CD1A: variants seen among roughly 807,000 people sequenced by gnomAD.
The protein encoded by CD1A is T-cell surface glycoprotein CD1a.
In CD1A, 50 loss-of-function variants were observed where a neutral mutation model predicts 38.3. The observed-to-expected ratio is 1.30, with a 90% CI of 1.04 to 1.65. The LOEUF is 1.65. CD1A is among the 40% of genes most tolerant of loss of function. The pLI is 0.00. For synonymous variants in CD1A, 160 were observed against 150.8 expected (o/e 1.06, Z -0.45); for missense variants, 459 against 406.1 (o/e 1.13, Z -1.12).
chr1:158,255,328 C>T lies in CD1A; in HGVS notation c.303C>T (p.Tyr101=), dbSNP rs147750753. ...TIRSFEGIRR[Y]AHELQFEYPF... is the part of the protein sequence containing the mutation. ...GGTCATTTGAGGGAATTCGTAGATA[C>T]GCCCATGAATTGCAGTTTGAATGTG... The change falls in exon 2 of 6, where the codon TAC becomes TAT. Residue 101 remains tyrosine (Y), a synonymous_variant. Coordinates refer to ENST00000289429, the MANE Select transcript of CD1A (RefSeq NM_001763.3). The T allele has an allele frequency of 1.0e-4, 168 of 1,614,030 alleles. No individual in the cohort carries two copies. In the Admixed American group the frequency reaches 1.2e-3, roughly 11 times the overall value.
chr1:158,251,224 C>T (rs1650078892), upstream of CD1A, among the ~76,000 whole-genome samples: 1 of 152,304 alleles, frequency 6.6e-6, no homozygotes, highest in East Asian at 1.9e-4. Flanking sequence ...TCATTGTCTT[C>T]ATGTACAGTA....
intron 5 of CD1A, 81 bp downstream of exon 5, chr1:158,257,592 G>T: frequency 3.2e-6 from 5 of 1,568,242 alleles, no homozygotes; most frequent in Non-Finnish European, 3.5e-6. Context: ...TCTCTCCTCA[G>T]TTCTTCTCTC....
chr1:158,255,939 T>A, intron 2 of CD1A, 65 bp from the exon 3 acceptor site: 2 of 1,478,570 alleles, frequency 1.4e-6, no homozygotes, highest in Non-Finnish European at 1.8e-6. Context: ...GCTTCTATAA[T>A]CTTTGCTTCT....
At chr1:158,257,398 T>C (rs891114711) in intron 4 of CD1A, 23 bp from the exon 5 acceptor site, 5 of 1,569,126 alleles carry the variant, frequency 3.2e-6, no homozygotes, top group Non-Finnish European at 4.4e-6. Flanking sequence ...TATAACATCC[T>C]TGGTGTCTCC....
In CD1A at chr1:158,257,490, C is replaced by A. The variant is rs371364380; in HGVS notation, c.953C>A (p.Ala318Glu). 6.2e-7 allele frequency: 1 copy of A among 1,613,798 alleles called. No individual in the cohort carries two copies. Among genetic ancestry groups the A allele is most frequent in the Admixed American group, 1.7e-5 (1 of 60,012 alleles). ...CCTTTACTTCTTCTGATAGGTCTTG[C>A]GCTTTGGTTCAGGAAACGCTGGTGA... is the stretch of plus-strand genomic sequence containing the variant. ...IVPLLLLIGL[A>E]LWFRKRCFC Residue 318 changes from alanine to glutamate, a missense_variant, in exon 5 of 6, where the codon GCG becomes GAG. Transcript: ENST00000289429.
Position 158,257,508 on chromosome 1 carries a change from G to T in CD1A, c.971G>T (p.Arg324Leu). The T allele has an allele frequency of 1.2e-6, 2 of 1,612,850 alleles. No individual in the cohort carries two copies. The highest frequency in any genetic ancestry group is 1.7e-6 in the Non-Finnish European group (2 of 1,178,846). The change falls in exon 5 of 6, where the codon CGC (arginine) becomes CTC (leucine). Residue 324 changes from arginine to leucine, a missense_variant. By Grantham distance (102) the Arg-to-Leu change is moderately radical. Coordinates refer to ENST00000289429, the MANE Select transcript of CD1A (RefSeq NM_001763.3). ...GGTCTTGCGCTTTGGTTCAGGAAAC[G>T]CTGGTGAGTTCTTTGCATGTGTCTT... ...LIGLALWFRK[R>L]CFC
intron 1 of CD1A, 36 bp from the exon 2 acceptor site, chr1:158,255,048 G>T (rs1245337549): frequency 6.2e-7 from 1 of 1,604,714 alleles, no homozygotes; most frequent in Admixed American, 1.7e-5. Context: ...CTTTCTCAAT[G>T]TCTTTCTCCC....
intron 1 of CD1A, 59 bp from the exon 2 acceptor site, chr1:158,255,025 C>T (rs914278858): frequency 6.4e-7 from 1 of 1,560,964 alleles, no homozygotes; most frequent in African/African-American, 1.4e-5. Context: ...TGGCACCTTT[C>T]TCTCTCCATC....
At chr1:158,252,903 AAAACAAAACAAAAC>A (rs1650123621), upstream of CD1A, among the ~76,000 whole-genome samples, 10 of 150,600 alleles carry the variant, frequency 6.6e-5, no homozygotes, top group African/African-American at 5.0e-5. Context: ...GTCTCAAAAC[AAAACAAAACAAAAC>A]AAAACAAAAA....
chr1:158,249,935 A>T (rs1485662406), upstream of CD1A, among the ~76,000 whole-genome samples: 2 of 152,180 alleles, frequency 1.3e-5, no homozygotes, highest in Admixed American at 6.5e-5. Flanking sequence ...ACCACCATGA[A>T]ATTGCAACCA....
upstream of CD1A, among the ~76,000 whole-genome samples, chr1:158,252,820 C>A (rs1650121919): frequency 6.6e-6 from 1 of 152,112 alleles, no homozygotes; most frequent in African/African-American, 2.4e-5. Context: ...ATTGCTTTAA[C>A]CTGGGAGGCA....
rs374208619 is a variant in CD1A, at chr1:158,257,676, T to C, written c.975-5T>C. On this transcript the variant is annotated splice_region_variant and splice_polypyrimidine_tract_variant and intron_variant, in intron 5 of 5. Coordinates refer to ENST00000289429, the MANE Select transcript of CD1A (RefSeq NM_001763.3). ...AGAGTGACTTCTATCTCTGTTCTCA[T>C]CCAGTTTCTGTTAAGACACACCATG... The C allele has an allele frequency of 2.5e-6, 4 of 1,613,880 alleles. No individual in the cohort carries two copies. The African/African-American group carries it at 5.3e-5, about 22-fold the overall frequency.
At chr1:158,251,704 C>T (rs1650092970), upstream of CD1A, among the ~76,000 whole-genome samples, 1 of 152,066 alleles carries the variant, frequency 6.6e-6, no homozygotes, top group African/African-American at 2.4e-5. Context: ...TGTAAGTGTT[C>T]CTGCCTTTCT....
At chr1:158,255,743 G>T (rs1216297804) in intron 2 of CD1A, among the ~76,000 whole-genome samples, 2 of 152,038 alleles carry the variant, frequency 1.3e-5, no homozygotes, top group African/African-American at 4.8e-5. Context: ...TATAATCCCA[G>T]TTCTCTTACA....
chr1:158,255,904 C>G (rs1387999637), intron 2 of CD1A, 100 bp from the exon 3 acceptor site: 1 of 1,220,100 alleles, frequency 8.2e-7, no homozygotes, highest in African/African-American at 1.5e-5. Context: ...TCCATTATGT[C>G]AAACCCTGCA....
rs879141814 is a variant in CD1A, at chr1:158,254,562, G to T, written c.-108G>T. The T allele has an allele frequency of 4.4e-6, 7 of 1,582,918 alleles. No individual in the cohort carries two copies. In the South Asian group the frequency reaches 8.1e-5, roughly 18 times the overall value. ...TGTTGCAGTCAGGGGAGGTTTGTCT[G>T]TTGGCTGCAGAAAGAAGTCAGAATA... On this transcript the variant is annotated 5_prime_UTR_variant, in exon 1 of 6. Transcript: ENST00000289429.
chr1:158,255,917 C>A, intron 2 of CD1A, 87 bp from the exon 3 acceptor site: 2 of 1,231,916 alleles, frequency 1.6e-6, no homozygotes, highest in Non-Finnish European at 2.3e-6. Flanking sequence ...ACCCTGCACA[C>A]TTCCCCCTTC....
In CD1A at chr1:158,256,065, C is replaced by T. The variant is rs777850226; in HGVS notation, c.387C>T (p.Ser129=). The change falls in exon 3 of 6, where the codon AGC becomes AGT. Residue 129 remains serine (S), a synonymous_variant. Coordinates refer to ENST00000289429, the MANE Select transcript of CD1A (RefSeq NM_001763.3). ...TGCACTCTGGAAAGGTCTCAGGAAG[C>T]TTCTTGCAGTTAGCTTATCAAGGAT... ...CELHSGKVSG[S]FLQLAYQGSD... 16 of 1,614,056 alleles carry T rather than the reference C, an allele frequency of 9.9e-6. No individual in the cohort carries two copies. In the East Asian group the frequency reaches 3.6e-4, roughly 36 times the overall value.
rs1457003150 is a variant in CD1A, at chr1:158,256,967, C to T, written c.786C>T (p.Leu262=). 2 of 1,614,176 alleles carry T rather than the reference C, an allele frequency of 1.2e-6. No homozygotes were observed. Among genetic ancestry groups the T allele is most frequent in the Non-Finnish European group, 1.7e-6 (2 of 1,180,042 alleles). The change falls in exon 4 of 6, where the codon CTC becomes CTT. Residue 262 remains leucine, a synonymous_variant. Coordinates refer to ENST00000289429, the MANE Select transcript of CD1A (RefSeq NM_001763.3). ...ILPSADGTWY[L]RATLEVAAGE... is the part of the protein sequence containing the mutation. The stretch of plus-strand genomic sequence containing the variant: ...CCAGTGCTGATGGGACATGGTATCT[C>T]CGCGCAACCCTGGAGGTGGCCGCTG...
Sources: gnomAD v4.1 joint callset for allele counts (sites outside exome capture counted in the v4.1 genomes callset) on GRCh38, gnomAD v4.1.1 for gene constraint, MANE v1.5 for transcripts, NCBI Gene and HGNC (gene_info 2026-07-23, HGNC 2026-07-21) for gene names.